DCN: variants seen among roughly 807,000 people sequenced by gnomAD.
DCN encodes decorin.
In DCN, 17 loss-of-function variants were observed where a neutral mutation model predicts 36.5. That is an observed-to-expected ratio of 0.47 (90% CI 0.32 to 0.70). The LOEUF (loss-of-function observed/expected upper bound fraction) is 0.70. DCN is among the 30% of genes least tolerant of loss of function. DCN has a pLI of 0.04. For missense variants in DCN, 389 were observed against 430.1 expected (o/e 0.90, Z 0.84); for synonymous variants, 163 against 161.4 (o/e 1.01, Z -0.07).
rs1455545733 is a variant in DCN, at chr12:91,168,289, A to G, written c.212-3572T>C. Among the ~76,000 whole-genome samples, 2 of 152,066 alleles carry G rather than the reference A, an allele frequency of 1.3e-5. 1 individual carries two copies. The highest frequency in any genetic ancestry group is 2.9e-5 in the Non-Finnish European group (2 of 68,006). ...CACTTATTCATTTATTTCTATTTCC[A>G]TTCTAACAATCCCTTGAAGCATATC... On this transcript the variant is annotated intron_variant, in intron 2 of 7. Coordinates refer to ENST00000052754, the MANE Select transcript of DCN (RefSeq NM_001920.5).
Position 91,145,688 on chromosome 12 carries a change from TA to T in DCN, c.*369del, listed in dbSNP as rs1880964466. The T allele has an allele frequency of 2.7e-6, 1 of 371,512 alleles. No individual in the cohort carries two copies. Among genetic ancestry groups the T allele is most frequent in the African/African-American group, 2.1e-5 (1 of 46,932 alleles). 23.0% of individuals were successfully genotyped at this position (371,512 alleles called of 1,614,324 possible). A position where few individuals can be genotyped will look rare whatever the true frequency, so the allele number is the denominator to read the frequency against. ...GCATTTGACTTTATCTCAAATGAGC[TA>T]ACTGCTCAATGAATTACAGAAGACT... On this transcript the variant is annotated 3_prime_UTR_variant, in exon 8 of 8. Transcript: ENST00000052754.
At chr12:91,165,129 G>C (rs915225811) in intron 2 of DCN, among the ~76,000 whole-genome samples, 1 of 152,216 alleles carries the variant, frequency 6.6e-6, no homozygotes, top group South Asian at 2.1e-4. Context: ...AATTACTCTA[G>C]CCAAATCATC....
At chr12:91,157,215 T>C in intron 4 of DCN, 27 bp from the exon 5 acceptor site, 1 of 1,528,868 alleles carries the variant, frequency 6.5e-7, no homozygotes, top group South Asian at 1.1e-5. Flanking sequence ...TGCAAGGCTT[T>C]TAGAGGAAAT....
intron 2 of DCN, chr12:91,177,522 T>G: frequency 1.4e-6 from 1 of 700,586 alleles, no homozygotes; most frequent in Non-Finnish European, 2.6e-6. Context: ...TGAGCTGCCA[T>G]GTAAACTGAG....
intron 1 of DCN, chr12:91,180,221 G>A (rs1053709425): frequency 4.6e-5 from 7 of 151,892 alleles, no homozygotes; most frequent in African/African-American, 1.7e-4. Flanking sequence ...CCATATTAAA[G>A]CTGTACGTTC....
rs1457914374 is a variant in DCN, at chr12:91,143,532, C to T, written c.*2526G>A. ...AAATGATTATAGCTCGAACTGTGTG[C>T]CTGTAATAACAATGGCAGTAGCAAC... On this transcript the variant is annotated 3_prime_UTR_variant, in exon 8 of 8. Transcript: ENST00000052754. The T allele has an allele frequency of 4.6e-5, 7 of 152,096 alleles. No homozygotes were observed. Among genetic ancestry groups the T allele is most frequent in the Non-Finnish European group, 1.0e-4 (7 of 68,012 alleles). The allele number at this position is 152,096 out of a possible 1,614,324, so 9.4% of individuals were successfully genotyped here.
chr12:91,180,064 T>C (rs1389419043), intron 1 of DCN: 1 of 152,138 alleles, frequency 6.6e-6, no homozygotes, highest in African/African-American at 2.4e-5. Context: ...CTTGATTATA[T>C]AGCAGCAAAG....
intron 5 of DCN, among the ~76,000 whole-genome samples, chr12:91,154,328 C>G (rs904619368): frequency 6.6e-6 from 1 of 152,032 alleles, no homozygotes; most frequent in Non-Finnish European, 1.5e-5. Flanking sequence ...GGCACTTTTC[C>G]TACTTCAAAT....
chr12:91,178,192 T>C, intron 2 of DCN, 150 bp downstream of exon 2: 2 of 699,424 alleles, frequency 2.9e-6, no homozygotes, highest in Non-Finnish European at 5.1e-6. Context: ...TACTTTTCTT[T>C]CTATCCTGTT....
At chr12:91,173,187 G>A (rs1251380041) in intron 2 of DCN, among the ~76,000 whole-genome samples, 1 of 151,862 alleles carries the variant, frequency 6.6e-6, no homozygotes, top group East Asian at 1.9e-4. Context: ...AAGATTAGAG[G>A]GTCTCATGGT....
At chr12:91,168,666 C>T (rs1333775841) in intron 2 of DCN, among the ~76,000 whole-genome samples, 1 of 152,152 alleles carries the variant, frequency 6.6e-6, no homozygotes, top group Non-Finnish European at 1.5e-5. Context: ...AACCTGCTAT[C>T]ATAGGAGTTT....
At chr12:91,162,336 C>T (rs1882216154) in intron 3 of DCN, among the ~76,000 whole-genome samples, 1 of 152,012 alleles carries the variant, frequency 6.6e-6, no homozygotes, top group Non-Finnish European at 1.5e-5. Context: ...CTTCTAATGG[C>T]TAAATGTTTA....
At chr12:91,148,415 C>G (rs1881176602) in intron 7 of DCN, among the ~76,000 whole-genome samples, 1 of 151,954 alleles carries the variant, frequency 6.6e-6, no homozygotes, top group African/African-American at 2.4e-5. Flanking sequence ...ATGAAGTACT[C>G]CCTTAAAACA....
At chr12:91,156,189 G>C (rs1881754132) in intron 5 of DCN, among the ~76,000 whole-genome samples, 1 of 152,136 alleles carries the variant, frequency 6.6e-6, no homozygotes, top group South Asian at 2.1e-4. Context: ...TTGGAACAAT[G>C]AACTTACCCT....
rs766043422 is a variant in DCN, at chr12:91,146,181, G to A, written c.957C>T (p.Thr319=). 8.7e-6 allele frequency: 14 copies of A among 1,613,232 alleles called. No homozygotes were observed. Among genetic ancestry groups the A allele is most frequent in the Non-Finnish European group, 1.2e-5 (14 of 1,179,514 alleles). Residue 319 remains threonine (T), a synonymous_variant, in exon 8 of 8, where the codon ACC becomes ACT. Transcript: ENST00000052754. The part of the protein sequence containing the change: ...SSDFCPPGHN[T]KKASYSGVSL... ...TCACACCCGAATAAGAAGCCTTTTT[G>A]GTGTTGTGTCCAGGTGGGCAGAAGT...
At chr12:91,151,356 C>A (rs1389776399) in intron 7 of DCN, 2 of 256,578 alleles carry the variant, frequency 7.8e-6, no homozygotes, top group African/African-American at 2.3e-5. Context: ...TGGCTTCAAA[C>A]TCCCCCTACT....
intron 2 of DCN, chr12:91,176,789 C>T (rs756538861): frequency 1.3e-5 from 2 of 152,098 alleles, no homozygotes; most frequent in South Asian, 2.1e-4. Context: ...AAATTTAATT[C>T]GCATTACATT....
Position 91,143,998 on chromosome 12 carries a change from G to A in DCN, c.*2060C>T, listed in dbSNP as rs969265166. On this transcript the variant is annotated 3_prime_UTR_variant, in exon 8 of 8. Coordinates refer to ENST00000052754, the MANE Select transcript of DCN (RefSeq NM_001920.5). ...AGTAGCTTGACTACTGGAAAAGTGT[G>A]TTGGATCTGCCTTGCAGATAAGTGT... 1.3e-5 allele frequency: 2 copies of A among 151,962 alleles called. No homozygotes were observed. Among genetic ancestry groups the A allele is most frequent in the African/African-American group, 2.4e-5 (1 of 41,386 alleles). 9.4% of individuals were successfully genotyped at this position (151,962 alleles called of 1,614,324 possible).
chr12:91,169,159 A>G (rs1219923517), intron 2 of DCN, among the ~76,000 whole-genome samples: 2 of 152,066 alleles, frequency 1.3e-5, no homozygotes, highest in African/African-American at 4.8e-5. Flanking sequence ...AACTTTTGGA[A>G]TCTCAGACAG....
Sources: gnomAD v4.1 joint callset for allele counts (sites outside exome capture counted in the v4.1 genomes callset) on GRCh38, gnomAD v4.1.1 for gene constraint, MANE v1.5 for transcripts, NCBI Gene and HGNC (gene_info 2026-07-23, HGNC 2026-07-21) for gene names.